OPCML: variants seen among roughly 807,000 people sequenced by gnomAD.
The protein encoded by OPCML is opioid binding protein/cell adhesion molecule like.
A neutral mutation model predicts 37.8 loss-of-function variants in OPCML; 13 were observed. The ratio of observed to expected loss-of-function variants is 0.34; its 90% CI spans 0.22 to 0.55. The LOEUF (loss-of-function observed/expected upper bound fraction) is 0.55, where lower values mean the gene tolerates loss of function less well. Ranked by LOEUF, OPCML falls within the 20% of genes least tolerant of loss-of-function variation. The probability of loss-of-function intolerance (pLI) is 0.91; values close to 1 mark genes in which losing one functional copy is unlikely to be tolerated. For synonymous variants in OPCML, 176 were observed against 168.8 expected (o/e 1.04, Z -0.33); for missense variants, 341 against 435.6 (o/e 0.78, Z 1.93).
intron 3 of OPCML, among the ~76,000 whole-genome samples, chr11:132,620,963 A>G (rs1043181237): frequency 2.0e-5 from 3 of 152,208 alleles, no homozygotes; most frequent in African/African-American, 7.2e-5. Context: ...AGGTCATGCC[A>G]GCTACAATGG....
chr11:133,252,672 T>G (rs986989881), intron 1 of OPCML, among the ~76,000 whole-genome samples: 2 of 152,226 alleles, frequency 1.3e-5, no homozygotes, highest in African/African-American at 4.8e-5. Context: ...GTCTAGTTTC[T>G]GCCTATTTCT....
At chr11:132,988,656 C>A (rs547172752) in intron 1 of OPCML, among the ~76,000 whole-genome samples, 194 of 152,274 alleles carry the variant, frequency 1.3e-3, no homozygotes, top group African/African-American at 4.5e-3. Context: ...AGTTCTGACA[C>A]AATGTCACTC....
intron 4 of OPCML, among the ~76,000 whole-genome samples, chr11:132,521,261 T>C (rs938817934): frequency 2.0e-5 from 3 of 152,316 alleles, no homozygotes; most frequent in Non-Finnish European, 2.9e-5. Context: ...AAGTTCCTTA[T>C]AGATTCCTGA....
intron 4 of OPCML, among the ~76,000 whole-genome samples, chr11:132,507,454 G>A (rs2096259623): frequency 6.6e-6 from 1 of 151,798 alleles, no homozygotes; most frequent in African/African-American, 2.4e-5. Context: ...TTTGTACAAT[G>A]TTTATATAAT....
At chr11:132,997,482 A>G (rs1946908956) in intron 1 of OPCML, among the ~76,000 whole-genome samples, 1 of 152,208 alleles carries the variant, frequency 6.6e-6, no homozygotes, top group Admixed American at 6.5e-5. Flanking sequence ...TTTCATCTGC[A>G]TCTGATTGGC....
At chr11:133,249,936 A>G (rs1941070754) in intron 1 of OPCML, among the ~76,000 whole-genome samples, 1 of 152,230 alleles carries the variant, frequency 6.6e-6, no homozygotes, top group Non-Finnish European at 1.5e-5. Context: ...GCTTAAGCCA[A>G]GAGGAAGCAA....
intron 2 of OPCML, among the ~76,000 whole-genome samples, chr11:132,908,930 C>T (rs1466087684): frequency 6.6e-6 from 1 of 152,208 alleles, no homozygotes; most frequent in Non-Finnish European, 1.5e-5. Context: ...GAATCCCAAC[C>T]ACAGCAGCTC....
At chr11:133,290,566 T>C (rs2136536752) in intron 1 of OPCML, among the ~76,000 whole-genome samples, 1 of 152,266 alleles carries the variant, frequency 6.6e-6, no homozygotes, top group East Asian at 1.9e-4. Context: ...CCACCCTCCA[T>C]AGTCAGAGGC....
chr11:133,215,203 A>AGT (rs566797124), intron 1 of OPCML, among the ~76,000 whole-genome samples: 13,385 of 148,538 alleles, frequency 0.09, 604 homozygotes, highest in African/African-American at 0.1. Context: ...AGAGAGAGAG[A>AGT]GAGTGTGTGT....
intron 2 of OPCML, 76 bp from the exon 3 acceptor site, chr11:132,657,395 A>G: frequency 1.3e-6 from 2 of 1,523,844 alleles, no homozygotes; most frequent in Non-Finnish European, 1.8e-6. Context: ...AATATGGTAA[A>G]TAAGACGTTG....
chr11:133,053,518 G>A (rs1591954695), intron 1 of OPCML, among the ~76,000 whole-genome samples: 1 of 152,080 alleles, frequency 6.6e-6, no homozygotes, highest in South Asian at 2.1e-4. Flanking sequence ...CCCATTTTGC[G>A]ATTGAAATTT....
chr11:132,909,836 T>C (rs2136535325), intron 2 of OPCML, among the ~76,000 whole-genome samples: 1 of 152,368 alleles, frequency 6.6e-6, no homozygotes, highest in South Asian at 2.1e-4. Context: ...CATTTAATGT[T>C]AAGAGGCTTC....
At chr11:133,347,780 T>G (rs774891194) in intron 1 of OPCML, among the ~76,000 whole-genome samples, 11 of 152,178 alleles carry the variant, frequency 7.2e-5, no homozygotes, top group African/African-American at 2.7e-4. Context: ...TTGTGTATCA[T>G]TCACTTCAGC....
chr11:132,946,684 G>A (rs980844135), intron 1 of OPCML, among the ~76,000 whole-genome samples: 1 of 152,188 alleles, frequency 6.6e-6, no homozygotes, highest in Non-Finnish European at 1.5e-5. Flanking sequence ...GGCAGCAGTG[G>A]GGTCCAGGTC....
intron 1 of OPCML, among the ~76,000 whole-genome samples, chr11:133,278,738 G>C (rs971494793): frequency 1.3e-5 from 2 of 150,572 alleles, no homozygotes; most frequent in African/African-American, 5.0e-5. Flanking sequence ...TTATTTGTTT[G>C]ATTAAAAAAA....
chr11:132,617,492 C>T (rs1939112954), intron 3 of OPCML, among the ~76,000 whole-genome samples: 1 of 152,212 alleles, frequency 6.6e-6, no homozygotes, highest in Non-Finnish European at 1.5e-5. Context: ...CAGTGATTGG[C>T]CCCTCCATGC....
chr11:133,527,463 T>C (rs1228466167), intron 1 of OPCML, among the ~76,000 whole-genome samples: 1 of 152,218 alleles, frequency 6.6e-6, no homozygotes, highest in Non-Finnish European at 1.5e-5. Context: ...TAAAGTCTTG[T>C]TCAATAAATG....
At chr11:132,923,034 A>G (rs997305250) in intron 2 of OPCML, among the ~76,000 whole-genome samples, 6 of 151,898 alleles carry the variant, frequency 4.0e-5, no homozygotes, top group Non-Finnish European at 8.8e-5. Flanking sequence ...CGATTGCACC[A>G]CTGCACTCCA....
intron 2 of OPCML, among the ~76,000 whole-genome samples, chr11:132,918,386 T>G (rs942904021): frequency 6.6e-6 from 1 of 152,212 alleles, no homozygotes; most frequent in Admixed American, 6.5e-5. Context: ...TTGTAGGTAT[T>G]GACTCTCAAG....
Sources: allele counts gnomAD v4.1 joint callset (sites outside exome capture counted in the v4.1 genomes callset), GRCh38; gene constraint gnomAD v4.1.1; transcripts MANE v1.5; gene names NCBI Gene and HGNC (gene_info 2026-07-23, HGNC 2026-07-21).